Variants in RYR2 observed in about 807,000 individuals in gnomAD.
The protein encoded by RYR2 is cardiac muscle ryanodine receptor-calcium release channel.
RYR2 carries 227 observed loss-of-function variants against 601.1 expected under a neutral mutation model. The ratio of observed to expected loss-of-function variants is 0.38; its 90% CI spans 0.34 to 0.42. The LOEUF is 0.42. Ranked by LOEUF, RYR2 falls within the 10% of genes least tolerant of loss-of-function variation. The pLI is 1.00. For missense variants in RYR2, 4,646 were observed against 6,156.5 expected, an observed-to-expected ratio of 0.75 and a Z score of 8.21; for synonymous variants, 2,223 against 2,175.1, an observed-to-expected ratio of 1.02 and a Z score of -0.61.
At chr1:237,195,290 G>A (rs1485268243) in intron 1 of RYR2, among the ~76,000 whole-genome samples, 1 of 152,150 alleles carries the variant, frequency 6.6e-6, no homozygotes, top group African/African-American at 2.4e-5. Flanking sequence ...AGTCGCTCGT[G>A]TTGCCCAAAC....
In RYR2 at chr1:237,722,583, G is replaced by C. The variant is rs12134710; in HGVS notation, c.10555-545G>C. 5.9e-3 allele frequency among the ~76,000 whole-genome samples: 893 copies of C among 151,712 alleles called. 3 individuals carry two copies. The highest frequency in any genetic ancestry group is 9.7e-3 in the Non-Finnish European group (659 of 67,878). ...CGAGTAGCTGGGACTACAGGCGCCC[G>C]CCACCACGCCTGGCTAATTTTTTGT... is the stretch of plus-strand genomic sequence containing the variant. On this transcript the variant is annotated intron_variant, in intron 73 of 104. Transcript: ENST00000366574.
chr1:237,042,496 C>G lies in RYR2; in HGVS notation c.-26C>G, dbSNP rs944349616. On this transcript the variant is annotated 5_prime_UTR_variant, in exon 1 of 105. Transcript: ENST00000366574. ...GCCGAGCTCCGCGGGGCTCGGGAGC[C>G]GGCCCCGGCGAGGAGGCGCGGAACC... is the stretch of plus-strand genomic sequence containing the variant. 14 of 1,246,434 alleles carry G rather than the reference C, an allele frequency of 1.1e-5. No individual in the cohort carries two copies. The highest frequency in any genetic ancestry group is 1.4e-5 in the Non-Finnish European group (14 of 987,046). The allele number at this position is 1,246,434 out of a possible 1,614,324, so 77.2% of individuals were successfully genotyped here.
intron 24 of RYR2, 58 bp downstream of exon 24, chr1:237,511,849 A>AAAG: frequency 1.4e-5 from 14 of 994,772 alleles, no homozygotes; most frequent in South Asian, 3.7e-5. Context: ...AAAAAAAAAA[A>AAAG]AAAAAAAAAA....
At chr1:237,152,430 C>G (rs2148819517) in intron 1 of RYR2, among the ~76,000 whole-genome samples, 1 of 152,326 alleles carries the variant, frequency 6.6e-6, no homozygotes, top group Middle Eastern at 3.4e-3. Flanking sequence ...AATTGGCACA[C>G]TATCTTCCAC....
chr1:237,502,214 G>A (rs1231167232), intron 21 of RYR2, among the ~76,000 whole-genome samples: 1 of 152,106 alleles, frequency 6.6e-6, no homozygotes, highest in African/African-American at 2.4e-5. Context: ...TTGTAAACCC[G>A]AGGGCCCCAG....
intron 17 of RYR2, among the ~76,000 whole-genome samples, chr1:237,489,751 G>A (rs1381524312): frequency 1.3e-5 from 2 of 152,148 alleles, no homozygotes; most frequent in East Asian, 3.8e-4. Context: ...ACTTAACAGA[G>A]AACTACCATT....
chr1:237,308,219 G>C (rs544649517), intron 2 of RYR2, among the ~76,000 whole-genome samples: 1 of 152,092 alleles, frequency 6.6e-6, no homozygotes, highest in African/African-American at 2.4e-5. Context: ...TAATAATATC[G>C]ATTCTTGCAA....
At chr1:237,771,689 T>G (rs1694285445) in intron 85 of RYR2, among the ~76,000 whole-genome samples, 1 of 152,082 alleles carries the variant, frequency 6.6e-6, no homozygotes, top group Admixed American at 6.6e-5. Flanking sequence ...AATAAATAAT[T>G]TCCTTCTTAT....
intron 2 of RYR2, 83 bp downstream of exon 2, chr1:237,270,699 T>C: frequency 7.1e-7 from 1 of 1,410,008 alleles, no homozygotes; most frequent in Non-Finnish European, 9.8e-7. Context: ...TCTACTATTT[T>C]CTGTGGAATA....
chr1:237,428,331 A>G (rs1706417455), intron 12 of RYR2, among the ~76,000 whole-genome samples: 1 of 152,220 alleles, frequency 6.6e-6, no homozygotes, highest in South Asian at 2.1e-4. Context: ...TCACAATAGC[A>G]AAGACATGGA....
chr1:237,236,407 T>C (rs560242556), intron 1 of RYR2, among the ~76,000 whole-genome samples: 1 of 152,350 alleles, frequency 6.6e-6, no homozygotes, highest in East Asian at 1.9e-4. Flanking sequence ...ATAAAATCTA[T>C]GTCCAAAGAG....
At position 237,456,637 on chromosome 1, in the gene RYR2, T is replaced by G. The variant is rs1658857026; in HGVS notation, c.1514T>G (p.Leu505Trp). Residue 505 changes from leucine (L) to tryptophan (W), a missense_variant, in exon 16 of 105, where the codon TTG becomes TGG. This residue lies in a region of RYR2 where 1,807 missense variants were observed against 2,088.1 expected (regional missense o/e 0.87). Coordinates refer to ENST00000366574, the MANE Select transcript of RYR2 (RefSeq NM_001035.3). Reference protein sequence around the residue: ...INLVLECIDRLHVYSSAAHFA... With the variant: ...INLVLECIDRWHVYSSAAHFA... Reference sequence around the variant, plus strand: ...CTCGTGCTTGAGTGCATAGACCGTTTGCACGTCTACAGCAGTGCAGCACAC... The same window carrying G: ...CTCGTGCTTGAGTGCATAGACCGTTGGCACGTCTACAGCAGTGCAGCACAC... The G allele has an allele frequency of 6.2e-7, 1 of 1,609,074 alleles. No homozygotes were observed. Among genetic ancestry groups the G allele is most frequent in the Non-Finnish European group, 8.5e-7 (1 of 1,176,716 alleles).
chr1:237,511,999 T>C (rs770589938), intron 24 of RYR2, among the ~76,000 whole-genome samples: 23 of 152,230 alleles, frequency 1.5e-4, no homozygotes, highest in Non-Finnish European at 2.8e-4. Flanking sequence ...CCTCTTGTTC[T>C]ACATCAGTAT....
At chr1:237,686,222 G>A (rs931287770) in intron 62 of RYR2, among the ~76,000 whole-genome samples, 3 of 152,226 alleles carry the variant, frequency 2.0e-5, no homozygotes, top group African/African-American at 7.2e-5. Flanking sequence ...CAAGCTGAGT[G>A]TGGGTGGTAC....
At chr1:237,643,568 TAAATTAGTTTTTTTAAA>T (rs1245396308) in intron 48 of RYR2, 121 bp downstream of exon 48, 3 of 1,005,168 alleles carry the variant, frequency 3.0e-6, no homozygotes, top group African/African-American at 1.6e-5. Flanking sequence ...GTATACTACT[TAAATTAGTTTTTTTAAA>T]AAAGCTGTAA....
chr1:237,660,237 T>G (rs929051073), intron 55 of RYR2, among the ~76,000 whole-genome samples, 163 bp downstream of exon 55: 1 of 152,072 alleles, frequency 6.6e-6, no homozygotes, highest in African/African-American at 2.4e-5. Flanking sequence ...ATTTTGTCTT[T>G]TCCTCTCAAT....
rs185183190 is a variant in RYR2, at chr1:237,136,052, A to G, written c.48+93483A>G. Among the ~76,000 whole-genome samples the G allele has an allele frequency of 1.3e-3, 193 of 152,274 alleles. 2 individuals carry two copies. Among genetic ancestry groups the G allele is most frequent in the Non-Finnish European group, 2.1e-3 (144 of 68,024 alleles). On this transcript the variant is annotated intron_variant, in intron 1 of 104. Transcript: ENST00000366574. Reference sequence around the variant, plus strand: ...TTCCCTTCTTCTTCAGATCCTCTTCACTGGCTGTTGAGAAGGAGAGATGCA... The same window carrying G: ...TTCCCTTCTTCTTCAGATCCTCTTCGCTGGCTGTTGAGAAGGAGAGATGCA...
intron 17 of RYR2, among the ~76,000 whole-genome samples, chr1:237,480,783 G>T (rs561062702): frequency 6.6e-6 from 1 of 152,048 alleles, no homozygotes; most frequent in South Asian, 2.1e-4. Context: ...ATTTTTGTTT[G>T]TCTGTTTTGC....
rs546417018 is a variant in RYR2, at chr1:237,320,542, A to T, written c.169-10336A>T. Among the ~76,000 whole-genome samples, 6 of 152,298 alleles carry T rather than the reference A, an allele frequency of 3.9e-5. No homozygotes were observed. The South Asian group carries it at 1.2e-3, about 32-fold the overall frequency. On this transcript the variant is annotated intron_variant, in intron 2 of 104. Transcript: ENST00000366574. ...AGTACCTCCAGATCACCTGCTGTTA[A>T]GTCAGAGTCACATCTCACAAATACA... is the stretch of plus-strand genomic sequence containing the variant.
Sources: gnomAD v4.1 joint callset for allele counts (sites outside exome capture counted in the v4.1 genomes callset) on GRCh38, gnomAD v4.1.1 for gene constraint, gnomAD v4.1.1 regional missense constraint, MANE v1.5 for transcripts, NCBI Gene and HGNC (gene_info 2026-07-23, HGNC 2026-07-21) for gene names.